Variants in BFSP1 observed in about 807,000 individuals in gnomAD.
BFSP1 encodes the protein filensin.
Under a neutral mutation model 43.9 loss-of-function variants are expected in BFSP1, and 38 were observed. The ratio of observed to expected loss-of-function variants is 0.87; its 90% CI spans 0.67 to 1.14. The LOEUF is 1.14. Among genes scored for constraint, BFSP1 ranks in the 50% most tolerant of loss-of-function variants. BFSP1 has a pLI of 0.00. For missense variants in BFSP1, 850 were observed against 875.1 expected (o/e 0.97, Z 0.36); for synonymous variants, 352 against 354.8 (o/e 0.99, Z 0.09).
At chr20:17,567,754 G>T (rs894193411) in intron 1 of BFSP1, among the ~76,000 whole-genome samples, 2 of 151,908 alleles carry the variant, frequency 1.3e-5, no homozygotes, top group Non-Finnish European at 2.9e-5. Context: ...CCAGCTACTC[G>T]GGAGGTTGAG....
chr20:17,559,670 CGGCATT>C (rs2035049491), upstream of BFSP1, among the ~76,000 whole-genome samples: 2 of 152,112 alleles, frequency 1.3e-5, no homozygotes, highest in Admixed American at 1.3e-4. Context: ...AGATCAGCGG[CGGCATT>C]AGATTCTCAT....
chr20:17,496,163 G>T (rs574479536), intron 7 of BFSP1, among the ~76,000 whole-genome samples: 55 of 152,346 alleles, frequency 3.6e-4, no homozygotes, highest in African/African-American at 1.3e-3. Context: ...CCCCTGCAGG[G>T]CCGCTCGTCT....
chr20:17,495,123 C>A (rs187414415), intron 7 of BFSP1, 94 bp from the exon 8 acceptor site: 24 of 1,222,982 alleles, frequency 2.0e-5, no homozygotes, highest in Non-Finnish European at 2.5e-5. Context: ...CTCTCGGAAA[C>A]AAACGCCTAT....
Position 17,494,045 on chromosome 20 carries a change from T to A in BFSP1, c.*29A>T. 6.4e-7 allele frequency: 1 copy of A among 1,562,510 alleles called. No homozygotes were observed. The highest frequency in any genetic ancestry group is 8.7e-7 in the Non-Finnish European group (1 of 1,148,692). ...GCATTACCCCTACAGTGGCCCCAAA[T>A]ACATTTTATCCCATCAAGCCTGGGC... On this transcript the variant is annotated 3_prime_UTR_variant, in exon 8 of 8. Transcript: ENST00000377873.
rs776179315 is a variant in BFSP1 at position 17,524,742 on chromosome 20, T to G, written c.438+106A>C. 8.8e-5 allele frequency: 110 copies of G among 1,251,192 alleles called. No individual in the cohort carries two copies. The South Asian group carries it at 1.3e-3, about 15-fold the overall frequency. 77.5% of individuals were successfully genotyped at this position (1,251,192 alleles called of 1,614,324 possible). On this transcript the variant is annotated intron_variant, in intron 2 of 7. Coordinates refer to ENST00000377873, the MANE Select transcript of BFSP1 (RefSeq NM_001195.5). ...GACAGAGTGACTGCAAAAGAAGTAG[T>G]GACCGCCAAAGTAACACAAAGAGGA... is the stretch of plus-strand genomic sequence containing the variant.
intron 1 of BFSP1, among the ~76,000 whole-genome samples, chr20:17,554,541 A>G (rs2123590368): frequency 6.6e-6 from 1 of 152,374 alleles, no homozygotes; most frequent in Middle Eastern, 3.4e-3. Flanking sequence ...CACCTAGTTA[A>G]TGAAACTAAA....
intron 1 of BFSP1, among the ~76,000 whole-genome samples, chr20:17,554,515 A>G (rs2034958135): frequency 6.6e-6 from 1 of 152,206 alleles, no homozygotes; most frequent in Non-Finnish European, 1.5e-5. Flanking sequence ...TACATTAACA[A>G]ATTAAAGGAG....
intron 6 of BFSP1, among the ~76,000 whole-genome samples, chr20:17,498,066 C>T (rs2033698387): frequency 6.6e-6 from 1 of 152,208 alleles, no homozygotes; most frequent in African/African-American, 2.4e-5. Context: ...CGAGTGCTCA[C>T]AGCCAAGAGA....
At chr20:17,515,289 T>C (rs545798360) in intron 2 of BFSP1, among the ~76,000 whole-genome samples, 1 of 152,292 alleles carries the variant, frequency 6.6e-6, no homozygotes, top group African/African-American at 2.4e-5. Context: ...CCAAATAAAG[T>C]TAATATTTAA....
intron 2 of BFSP1, among the ~76,000 whole-genome samples, chr20:17,518,043 C>T (rs1359634422): frequency 6.6e-6 from 1 of 152,200 alleles, no homozygotes; most frequent in African/African-American, 2.4e-5. Context: ...CTCTCCAAGG[C>T]TCCTCCTGAT....
chr20:17,555,009 G>A (rs2034966078), intron 1 of BFSP1, among the ~76,000 whole-genome samples: 1 of 152,074 alleles, frequency 6.6e-6, no homozygotes, highest in Non-Finnish European at 1.5e-5. Context: ...TCTACATGAA[G>A]AAAAGTAGGC....
At chr20:17,549,276 T>A (rs1017989902) in intron 1 of BFSP1, among the ~76,000 whole-genome samples, 23 of 152,192 alleles carry the variant, frequency 1.5e-4, no homozygotes, top group Non-Finnish European at 2.9e-4. Context: ...CGCACTGCTA[T>A]AAAGAAATAC....
At chr20:17,563,378 C>T (rs2035085773), upstream of BFSP1, among the ~76,000 whole-genome samples, 1 of 103,554 alleles carries the variant, frequency 9.7e-6, no homozygotes, top group South Asian at 4.8e-4. Context: ...CCCTTCCTAC[C>T]TTTCCTTCCT....
intron 1 of BFSP1, among the ~76,000 whole-genome samples, chr20:17,555,884 C>T (rs1275059379): frequency 6.6e-6 from 1 of 151,850 alleles, no homozygotes; most frequent in Non-Finnish European, 1.5e-5. Context: ...ACAATTTTTA[C>T]AAGAAGAACA....
intron 1 of BFSP1, among the ~76,000 whole-genome samples, chr20:17,546,111 C>T (rs2034796995): frequency 6.6e-6 from 1 of 152,100 alleles, no homozygotes; most frequent in African/African-American, 2.4e-5. Context: ...AAGAACTTCC[C>T]AAGGCTGGGT....
chr20:17,540,856 T>C (rs2034704112), intron 1 of BFSP1, among the ~76,000 whole-genome samples: 1 of 152,212 alleles, frequency 6.6e-6, no homozygotes, highest in Admixed American at 6.5e-5. Context: ...CTTTAAAGCC[T>C]ACAGGTAGTA....
chr20:17,553,326 C>T (rs561099724), intron 1 of BFSP1, among the ~76,000 whole-genome samples: 1 of 151,906 alleles, frequency 6.6e-6, no homozygotes, highest in Admixed American at 6.6e-5. Flanking sequence ...GGATGAAATG[C>T]CAAACTCAAC....
At chr20:17,566,601 T>C (rs544079845) in intron 1 of BFSP1, among the ~76,000 whole-genome samples, 6 of 152,212 alleles carry the variant, frequency 3.9e-5, no homozygotes, top group Non-Finnish European at 7.3e-5. Context: ...TCCTGGTTCA[T>C]AGATGAACCT....
intron 2 of BFSP1, among the ~76,000 whole-genome samples, chr20:17,519,636 A>G (rs2034277366): frequency 6.6e-6 from 1 of 152,192 alleles, no homozygotes; most frequent in African/African-American, 2.4e-5. Context: ...CCTCCCTCCT[A>G]GGATTGTGTC....
Sources: allele counts gnomAD v4.1 joint callset (sites outside exome capture counted in the v4.1 genomes callset), GRCh38; gene constraint gnomAD v4.1.1; transcripts MANE v1.5; gene names NCBI Gene and HGNC (gene_info 2026-07-23, HGNC 2026-07-21).